SCAPER: variants seen among roughly 807,000 people sequenced by gnomAD.
SCAPER encodes the protein S phase cyclin A-associated protein in the endoplasmic reticulum.
Under a neutral mutation model 182.2 loss-of-function variants are expected in SCAPER, and 98 were observed. The observed-to-expected ratio is 0.54, with a 90% CI of 0.46 to 0.64. The LOEUF (loss-of-function observed/expected upper bound fraction) is 0.64. Ranked by LOEUF, SCAPER falls within the 30% of genes least tolerant of loss-of-function variation. The probability of loss-of-function intolerance (pLI) is 0.00; values close to 1 mark genes in which losing one functional copy is unlikely to be tolerated. For synonymous variants in SCAPER, 605 were observed against 564.6 expected, an observed-to-expected ratio of 1.07 and a Z score of -1.01; for missense variants, 1,432 against 1,690.0, an observed-to-expected ratio of 0.85 and a Z score of 2.68.
rs1369644960 is a variant in SCAPER at position 76,831,137 on chromosome 15, G to A, written c.393+10597C>T. Among the ~76,000 whole-genome samples, 6 of 152,284 alleles carry A rather than the reference G, an allele frequency of 3.9e-5. No individual in the cohort carries two copies. The East Asian group carries it at 1.2e-3, about 29-fold the overall frequency. On this transcript the variant is annotated intron_variant, in intron 5 of 31. Transcript: ENST00000563290. ...GGTTAGGCATGGGGACAGCTACTAT[G>A]GAGCATGGCCATGGGCTCCCATTCC...
chr15:76,850,859 C>CAAAAA (rs59202490), intron 4 of SCAPER, among the ~76,000 whole-genome samples: 1 of 90,052 alleles, frequency 1.1e-5, no homozygotes, highest in African/African-American at 4.0e-5. Flanking sequence ...GACTCTGTCT[C>CAAAAA]AAAAAAAAAA....
chr15:76,686,404 A>G lies in SCAPER; in HGVS notation c.2508+15354T>C, dbSNP rs574504104. On this transcript the variant is annotated intron_variant, in intron 20 of 31. Transcript: ENST00000563290. Reference sequence around the variant, plus strand: ...TGATTGGCAAATGTTAAAAACCCATATAATGCCAAGAGTTGTGGAGAATGT... The same window carrying G: ...TGATTGGCAAATGTTAAAAACCCATGTAATGCCAAGAGTTGTGGAGAATGT... 4.6e-5 allele frequency among the ~76,000 whole-genome samples: 7 copies of G among 152,238 alleles called. No homozygotes were observed. In the South Asian group the frequency reaches 1.4e-3, roughly 32 times the overall value.
intron 16 of SCAPER, among the ~76,000 whole-genome samples, chr15:76,730,972 TGAAAA>T (rs1160368860): frequency 6.6e-6 from 1 of 152,098 alleles, no homozygotes; most frequent in Non-Finnish European, 1.5e-5. Flanking sequence ...TTTAATAACT[TGAAAA>T]GAGAACTGGT....
intron 17 of SCAPER, among the ~76,000 whole-genome samples, chr15:76,714,691 G>C (rs771539329): frequency 6.6e-6 from 1 of 152,008 alleles, no homozygotes; most frequent in African/African-American, 2.4e-5. Flanking sequence ...ACTTAGATTT[G>C]TGTATTTTTG....
intron 24 of SCAPER, among the ~76,000 whole-genome samples, chr15:76,487,381 T>C (rs1026339252): frequency 1.3e-5 from 2 of 151,918 alleles, no homozygotes; most frequent in African/African-American, 4.8e-5. Context: ...TGGGGAGGAA[T>C]GAATATATGG....
chr15:76,866,165 G>C (rs2072278840), intron 2 of SCAPER, among the ~76,000 whole-genome samples: 1 of 152,068 alleles, frequency 6.6e-6, no homozygotes, highest in East Asian at 1.9e-4. Context: ...ATAAATAGAT[G>C]GCCTACTTTT....
chr15:76,383,422 T>G (rs2043100788), intron 27 of SCAPER, among the ~76,000 whole-genome samples: 1 of 152,208 alleles, frequency 6.6e-6, no homozygotes, highest in Admixed American at 6.5e-5. Context: ...TACACATTCA[T>G]TTCTTGAATG....
At chr15:76,453,448 T>C (rs1472660759) in intron 25 of SCAPER, among the ~76,000 whole-genome samples, 1 of 152,236 alleles carries the variant, frequency 6.6e-6, no homozygotes, top group African/African-American at 2.4e-5. Context: ...TTTTCAAACT[T>C]TTGAAGATTA....
chr15:76,725,907 A>C (rs1411908156), intron 17 of SCAPER, among the ~76,000 whole-genome samples: 1 of 151,358 alleles, frequency 6.6e-6, no homozygotes, highest in Non-Finnish European at 1.5e-5. Flanking sequence ...TCCAGGGAGA[A>C]AACTTCACAA....
At chr15:76,605,754 G>A (rs1336289358) in intron 22 of SCAPER, among the ~76,000 whole-genome samples, 3 of 152,140 alleles carry the variant, frequency 2.0e-5, no homozygotes, top group African/African-American at 7.2e-5. Context: ...AGTCTTGGGA[G>A]GATGTATGTG....
At chr15:76,551,520 T>G (rs1281251041) in intron 23 of SCAPER, among the ~76,000 whole-genome samples, 6 of 152,078 alleles carry the variant, frequency 3.9e-5, no homozygotes, top group Admixed American at 2.6e-4. Context: ...ATTTCACAGA[T>G]GTACAGGGTA....
At chr15:76,879,622 AT>A (rs1214862675) in intron 2 of SCAPER, among the ~76,000 whole-genome samples, 4 of 152,228 alleles carry the variant, frequency 2.6e-5, no homozygotes, top group African/African-American at 9.6e-5. Flanking sequence ...AAGCAATCAA[AT>A]TTTTGATGAC....
At chr15:76,390,477 G>C (rs2142014485) in intron 27 of SCAPER, among the ~76,000 whole-genome samples, 1 of 152,290 alleles carries the variant, frequency 6.6e-6, no homozygotes, top group Non-Finnish European at 1.5e-5. Flanking sequence ...CAAAGTGGAA[G>C]AGTAAAGAGG....
chr15:76,648,416 C>T (rs1396143341), intron 21 of SCAPER, among the ~76,000 whole-genome samples: 2 of 152,030 alleles, frequency 1.3e-5, no homozygotes, highest in African/African-American at 4.8e-5. Context: ...TTAAGTACAA[C>T]TGGAATCAGA....
chr15:76,455,888 T>C (rs1051891933), intron 25 of SCAPER, among the ~76,000 whole-genome samples: 3 of 152,174 alleles, frequency 2.0e-5, no homozygotes, highest in South Asian at 2.1e-4. Context: ...TGTAATCTCA[T>C]TGTTCAACTC....
chr15:76,541,423 A>C (rs2044743264), intron 23 of SCAPER, among the ~76,000 whole-genome samples: 1 of 152,078 alleles, frequency 6.6e-6, no homozygotes, highest in Non-Finnish European at 1.5e-5. Flanking sequence ...TGCTTCTTCT[A>C]CCCTTCCCCC....
At chr15:76,821,987 G>A (rs993062286) in intron 5 of SCAPER, among the ~76,000 whole-genome samples, 1 of 152,180 alleles carries the variant, frequency 6.6e-6, no homozygotes, top group Non-Finnish European at 1.5e-5. Context: ...AGTGGCTGCT[G>A]GGGTTAGGGG....
intron 4 of SCAPER, among the ~76,000 whole-genome samples, chr15:76,854,132 G>A (rs1476485120): frequency 1.3e-5 from 2 of 152,064 alleles, no homozygotes; most frequent in Admixed American, 1.3e-4. Flanking sequence ...AGCTGGGCAT[G>A]GTGACGTGAA....
chr15:76,738,911 T>C lies in SCAPER; in HGVS notation c.1867-5527A>G, dbSNP rs1275337850. Among the ~76,000 whole-genome samples, 3 of 152,336 alleles carry C rather than the reference T, an allele frequency of 2.0e-5. No individual in the cohort carries two copies. In the South Asian group the frequency reaches 6.2e-4, roughly 32 times the overall value. The stretch of plus-strand genomic sequence containing the variant: ...TGGCAAAAATAAAGACTTTGCTTGA[T>C]GCAGGATTGACACAAACATTCAATT... On this transcript the variant is annotated intron_variant, in intron 15 of 31. Transcript: ENST00000563290.
Sources: allele counts gnomAD v4.1 joint callset (sites outside exome capture counted in the v4.1 genomes callset), GRCh38; gene constraint gnomAD v4.1.1; transcripts MANE v1.5; gene names NCBI Gene and HGNC (gene_info 2026-07-23, HGNC 2026-07-21).